Variants in RORA observed in about 807,000 individuals in gnomAD.
RORA encodes nuclear receptor ROR-alpha.
A neutral mutation model predicts 69.5 loss-of-function variants in RORA; 7 were observed. The ratio of observed to expected loss-of-function variants is 0.10; its 90% CI spans 0.06 to 0.19. RORA has a LOEUF of 0.19. RORA is among the 10% of genes least tolerant of loss of function. The probability of loss-of-function intolerance (pLI) is 1.00; values close to 1 mark genes in which losing one functional copy is unlikely to be tolerated. For synonymous variants in RORA, 261 were observed against 240.8 expected (o/e 1.08, Z -0.78); for missense variants, 457 against 663.0 (o/e 0.69, Z 3.41).
chr15:60,823,814 A>T (rs1311643452), intron 1 of RORA, among the ~76,000 whole-genome samples: 1 of 152,216 alleles, frequency 6.6e-6, no homozygotes, highest in Non-Finnish European at 1.5e-5. Context: ...TAAAAAAAAA[A>T]ATCAATGTAA....
intron 2 of RORA, among the ~76,000 whole-genome samples, chr15:60,538,968 CAATAAA>C (rs1393502749): frequency 6.7e-6 from 1 of 148,460 alleles, no homozygotes; most frequent in East Asian, 2.0e-4. Context: ...AAACATTTTT[CAATAAA>C]AAGTGTTGAG....
At chr15:61,190,072 A>G (rs548103310) in intron 1 of RORA, among the ~76,000 whole-genome samples, 40 of 152,210 alleles carry the variant, frequency 2.6e-4, no homozygotes, top group Middle Eastern at 3.4e-3. Context: ...GAAGCTCATT[A>G]TATCTTTTAA....
rs567492307 is a variant in RORA, at chr15:61,003,996, C to CA, written c.166+225056_166+225057insT. ...CTCTATGAGAAATCTTTTTTCATGG[C>CA]CCAAAAAAAAAAATGTTTGAGGAAC... On this transcript the variant is annotated intron_variant, in intron 1 of 10. Coordinates refer to ENST00000335670, the MANE Select transcript of RORA (RefSeq NM_134261.3). Among the ~76,000 whole-genome samples the CA allele has an allele frequency of 2.9e-3, 423 of 143,672 alleles. 1 individual carries two copies. Among genetic ancestry groups the CA allele is most frequent in the African/African-American group, 0.011 (409 of 37,444 alleles). The allele number at this position is 143,672 out of a possible 152,430, so 94.3% of individuals were successfully genotyped here.
At chr15:61,199,456 A>G (rs2079875578) in intron 1 of RORA, among the ~76,000 whole-genome samples, 2 of 152,090 alleles carry the variant, frequency 1.3e-5, no homozygotes, top group Non-Finnish European at 2.9e-5. Flanking sequence ...AAAGAAACAC[A>G]CACTACTCTC....
chr15:60,745,081 G>A (rs940170621), intron 1 of RORA, among the ~76,000 whole-genome samples: 2 of 152,232 alleles, frequency 1.3e-5, no homozygotes, highest in Non-Finnish European at 1.5e-5. Context: ...TTTGTGACTC[G>A]TCTTGGGAGT....
chr15:60,512,764 G>C (rs1056807550), intron 4 of RORA, among the ~76,000 whole-genome samples: 2 of 152,188 alleles, frequency 1.3e-5, no homozygotes, highest in African/African-American at 4.8e-5. Context: ...CATATTTAAA[G>C]TGGAGCAGTC....
chr15:60,891,537 T>A (rs577233001), intron 1 of RORA, among the ~76,000 whole-genome samples: 1 of 152,076 alleles, frequency 6.6e-6, no homozygotes, highest in East Asian at 1.9e-4. Flanking sequence ...AGTAGAAAAG[T>A]CAAACGGGCA....
intron 2 of RORA, among the ~76,000 whole-genome samples, chr15:60,596,165 C>T (rs2068661898): frequency 6.6e-6 from 1 of 152,142 alleles, no homozygotes; most frequent in Non-Finnish European, 1.5e-5. Context: ...AGATATAATG[C>T]TATTGGGGAG....
At chr15:60,838,894 T>G (rs1461262377) in intron 1 of RORA, among the ~76,000 whole-genome samples, 1 of 9,890 alleles carries the variant, frequency 1.0e-4, no homozygotes. Context: ...ACACATATAC[T>G]TTTTTTTTTT....
chr15:60,883,269 G>A (rs528644675), intron 1 of RORA, among the ~76,000 whole-genome samples: 2 of 151,626 alleles, frequency 1.3e-5, no homozygotes, highest in Admixed American at 6.6e-5. Flanking sequence ...ACAGCATTAC[G>A]AATCATAGGA....
chr15:60,929,959 T>A (rs1187021968), intron 1 of RORA, among the ~76,000 whole-genome samples: 2 of 152,060 alleles, frequency 1.3e-5, no homozygotes, highest in East Asian at 3.9e-4. Context: ...CTGCTTAGAG[T>A]CTCTGGTGCA....
chr15:60,506,301 CA>C (rs2065498781), intron 5 of RORA, among the ~76,000 whole-genome samples: 1 of 152,000 alleles, frequency 6.6e-6, no homozygotes, highest in South Asian at 2.1e-4. Context: ...ACAGGGCTGC[CA>C]TGAGAATTAA....
intron 1 of RORA, among the ~76,000 whole-genome samples, chr15:61,151,709 GA>G (rs1344495960): frequency 1.3e-5 from 2 of 152,136 alleles, no homozygotes; most frequent in Non-Finnish European, 2.9e-5. Flanking sequence ...CCTGTAAAAC[GA>G]AAAGTTTCAA....
intron 2 of RORA, among the ~76,000 whole-genome samples, chr15:60,648,964 T>A (rs934522367): frequency 5.3e-5 from 8 of 151,842 alleles, no homozygotes; most frequent in African/African-American, 1.9e-4. Flanking sequence ...ATGAAAGAGG[T>A]TTCTCAATCT....
rs148643321 is a variant in RORA at position 60,874,652 on chromosome 15, T to C, written c.167-195966A>G. ...TCCAGCGTATAAAATTTCTTCTTAA[T>C]CACCAAAACTAAGTAGGGGTATTAC... On this transcript the variant is annotated intron_variant, in intron 1 of 10. Transcript: ENST00000335670. 1.6e-3 allele frequency among the ~76,000 whole-genome samples: 244 copies of C among 152,304 alleles called. 1 individual carries two copies. Among genetic ancestry groups the C allele is most frequent in the Middle Eastern group, 0.014 (4 of 294 alleles).
intron 1 of RORA, among the ~76,000 whole-genome samples, chr15:60,961,613 T>C (rs962363713): frequency 2.6e-5 from 4 of 152,154 alleles, no homozygotes; most frequent in African/African-American, 9.7e-5. Flanking sequence ...TTTGAAAGAC[T>C]TTCCCGGCTC....
chr15:60,657,245 C>G (rs2070234750), intron 2 of RORA, among the ~76,000 whole-genome samples: 1 of 152,062 alleles, frequency 6.6e-6, no homozygotes, highest in South Asian at 2.1e-4. Context: ...TCTTCTCCTC[C>G]TCCTCTCCCT....
At chr15:60,889,094 C>T (rs1353666013) in intron 1 of RORA, among the ~76,000 whole-genome samples, 3 of 152,246 alleles carry the variant, frequency 2.0e-5, no homozygotes, top group Non-Finnish European at 4.4e-5. Context: ...TAGCCCCGTG[C>T]TCAGGGTCAG....
chr15:60,796,249 G>A (rs1369472423), intron 1 of RORA, among the ~76,000 whole-genome samples: 1 of 152,044 alleles, frequency 6.6e-6, no homozygotes, highest in Non-Finnish European at 1.5e-5. Flanking sequence ...GCTGGAACAG[G>A]CTTGAGCTCA....
Sources: gnomAD v4.1 joint callset for allele counts (sites outside exome capture counted in the v4.1 genomes callset) on GRCh38, gnomAD v4.1.1 for gene constraint, MANE v1.5 for transcripts, NCBI Gene and HGNC (gene_info 2026-07-23, HGNC 2026-07-21) for gene names.